RAD51B: variants seen among roughly 807,000 people sequenced by gnomAD.
The protein encoded by RAD51B is DNA repair protein RAD51 homolog 2.
RAD51B carries 38 observed loss-of-function variants against 42.2 expected under a neutral mutation model. That is an observed-to-expected ratio of 0.90 (90% confidence interval 0.70 to 1.18). RAD51B has a LOEUF of 1.18. RAD51B is among the 50% of genes most tolerant of loss of function. The pLI is 0.00. For synonymous variants in RAD51B, 154 were observed against 145.2 expected, an observed-to-expected ratio of 1.06 and a Z score of -0.43; for missense variants, 373 against 400.7, an observed-to-expected ratio of 0.93 and a Z score of 0.59.
At chr14:68,605,680 G>C (rs1007907602) in intron 10 of RAD51B, among the ~76,000 whole-genome samples, 1 of 152,208 alleles carries the variant, frequency 6.6e-6, no homozygotes, top group Non-Finnish European at 1.5e-5. Context: ...CCACTCCTGT[G>C]TCTTAACTAA....
chr14:67,966,746 A>C (rs1259963203), intron 7 of RAD51B, among the ~76,000 whole-genome samples: 1 of 151,982 alleles, frequency 6.6e-6, no homozygotes, highest in Admixed American at 6.6e-5. Context: ...TATCATACTT[A>C]CTCTGCCTCT....
chr14:67,908,122 T>C (rs1310395596), intron 7 of RAD51B, among the ~76,000 whole-genome samples: 1 of 152,228 alleles, frequency 6.6e-6, no homozygotes, highest in East Asian at 1.9e-4. Flanking sequence ...CCAAATGTCA[T>C]GGTTGTCAAC....
At chr14:68,193,606 A>G (rs868820124) in intron 7 of RAD51B, among the ~76,000 whole-genome samples, 13 of 152,324 alleles carry the variant, frequency 8.5e-5, no homozygotes, top group Middle Eastern at 3.4e-3. Flanking sequence ...ATTGTTCTCA[A>G]AACAATTACA....
chr14:68,036,413 G>A (rs763006457), intron 7 of RAD51B, among the ~76,000 whole-genome samples: 8 of 152,122 alleles, frequency 5.3e-5, no homozygotes, highest in African/African-American at 9.7e-5. Flanking sequence ...ATGTGCTCCC[G>A]TCAGAGTTTC....
intron 7 of RAD51B, among the ~76,000 whole-genome samples, chr14:67,930,805 T>A (rs1391775516): frequency 6.6e-6 from 1 of 152,326 alleles, no homozygotes; most frequent in African/African-American, 2.4e-5. Context: ...CCTTTGAGGA[T>A]ACTGATAATT....
At chr14:67,840,719 C>T (rs1376130229) in intron 4 of RAD51B, among the ~76,000 whole-genome samples, 5 of 152,044 alleles carry the variant, frequency 3.3e-5, no homozygotes, top group South Asian at 4.1e-4. Context: ...CTCCTTTGCA[C>T]AGTGATTGAA....
chr14:67,931,654 C>G (rs1427968857), intron 7 of RAD51B, among the ~76,000 whole-genome samples: 2 of 151,988 alleles, frequency 1.3e-5, no homozygotes, highest in African/African-American at 4.8e-5. Context: ...AGGTGCCCAC[C>G]ACCACGCCTG....
chr14:68,011,011 C>T lies in RAD51B; in HGVS notation c.756+123807C>T, dbSNP rs564626634. Among the ~76,000 whole-genome samples the T allele has an allele frequency of 2.0e-5, 3 of 151,936 alleles. No individual in the cohort carries two copies. In the East Asian group the frequency reaches 5.8e-4, roughly 29 times the overall value. On this transcript the variant is annotated intron_variant, in intron 7 of 10. Coordinates refer to ENST00000471583, the MANE Select transcript of RAD51B (RefSeq NM_133510.4). ...TTTGGATGAAAGAAAGGTAGTGAGT[C>T]ATACAAAATAGTGAAAAAAATCAGA...
At chr14:68,539,952 T>C (rs1411841003) in intron 10 of RAD51B, among the ~76,000 whole-genome samples, 4 of 152,140 alleles carry the variant, frequency 2.6e-5, no homozygotes, top group Non-Finnish European at 5.9e-5. Flanking sequence ...ATCAGTGCTG[T>C]AAGAGAGTGT....
chr14:68,063,152 G>A (rs974348719), intron 7 of RAD51B, among the ~76,000 whole-genome samples: 1 of 151,572 alleles, frequency 6.6e-6, no homozygotes, highest in African/African-American at 2.4e-5. Flanking sequence ...TAAATGGTTT[G>A]TTGATTTTGT....
intron 7 of RAD51B, among the ~76,000 whole-genome samples, chr14:68,063,451 G>A (rs2076600694): frequency 6.6e-6 from 1 of 151,964 alleles, no homozygotes; most frequent in Non-Finnish European, 1.5e-5. Context: ...AAAAGTGTAT[G>A]GGGGCTGGGC....
intron 10 of RAD51B, among the ~76,000 whole-genome samples, chr14:68,495,396 C>T (rs1010741486): frequency 6.6e-6 from 1 of 152,062 alleles, no homozygotes; most frequent in Non-Finnish European, 1.5e-5. Flanking sequence ...TCCTGGCACA[C>T]CTGATTATAC....
intron 10 of RAD51B, among the ~76,000 whole-genome samples, chr14:68,500,665 G>A (rs737387): frequency 0.41 from 62,944 of 152,096 alleles, 13,732 homozygotes; most frequent in South Asian, 0.58. Flanking sequence ...GCATTCAGGG[G>A]GAGATAAAGT....
At chr14:68,437,026 T>A (rs1421341123) in intron 9 of RAD51B, among the ~76,000 whole-genome samples, 1 of 152,216 alleles carries the variant, frequency 6.6e-6, no homozygotes, top group Middle Eastern at 3.2e-3. Context: ...TTTGCCTGAC[T>A]GCTCTGGCTA....
chr14:68,149,373 C>G (rs79442541), intron 7 of RAD51B, among the ~76,000 whole-genome samples: 3,833 of 152,180 alleles, frequency 0.025, 128 homozygotes, highest in African/African-American at 0.074. Context: ...GTTAATCTTT[C>G]TGAAAGGTGT....
At chr14:67,970,829 A>G (rs928969539) in intron 7 of RAD51B, among the ~76,000 whole-genome samples, 2 of 152,150 alleles carry the variant, frequency 1.3e-5, no homozygotes, top group Non-Finnish European at 2.9e-5. Flanking sequence ...GATACTTGAG[A>G]AAAGAGTTTA....
intron 7 of RAD51B, among the ~76,000 whole-genome samples, chr14:68,005,370 G>A (rs962353757): frequency 9.2e-5 from 14 of 152,086 alleles, no homozygotes; most frequent in Non-Finnish European, 1.5e-5. Flanking sequence ...TGATAATGGA[G>A]TTTTGCATGC....
intron 4 of RAD51B, among the ~76,000 whole-genome samples, chr14:67,844,350 G>GTAGA (rs984747162): frequency 1.3e-5 from 2 of 151,816 alleles, no homozygotes; most frequent in Non-Finnish European, 2.9e-5. Flanking sequence ...GGGGAGTTCT[G>GTAGA]TAGATGTCTA....
intron 7 of RAD51B, among the ~76,000 whole-genome samples, chr14:68,265,355 C>T (rs116711121): frequency 0.016 from 2,386 of 152,196 alleles, 51 homozygotes; most frequent in African/African-American, 0.051. Flanking sequence ...CAATCATTTC[C>T]TTGGGATCTA....
Sources: gnomAD v4.1 joint callset for allele counts (sites outside exome capture counted in the v4.1 genomes callset) on GRCh38, gnomAD v4.1.1 for gene constraint, MANE v1.5 for transcripts, NCBI Gene and HGNC (gene_info 2026-07-23, HGNC 2026-07-21) for gene names.